The following OPRM1 variants were observed in gnomAD, a reference collection of about 807,000 sequenced individuals.
The protein encoded by OPRM1 is opioid receptor mu 1.
Under a neutral mutation model 31.8 loss-of-function variants are expected in OPRM1, and 27 were observed. The observed-to-expected ratio is 0.85, with a 90% confidence interval of 0.63 to 1.17. The LOEUF (loss-of-function observed/expected upper bound fraction) is 1.17. Among genes scored for constraint, OPRM1 ranks in the 50% most tolerant of loss-of-function variants. OPRM1 has a pLI of 0.00. For synonymous variants in OPRM1, 196 were observed against 189.9 expected (o/e 1.03, Z -0.26); for missense variants, 536 against 511.1 (o/e 1.05, Z -0.47).
chr6:154,084,078 C>G (rs1387734995), intron 1 of OPRM1, among the ~76,000 whole-genome samples: 1 of 152,104 alleles, frequency 6.6e-6, no homozygotes, highest in Admixed American at 6.5e-5. Context: ...GGCCTCTCCC[C>G]GTCTTCTCTT....
At chr6:154,034,720 A>G (rs1449374968), upstream of OPRM1, among the ~76,000 whole-genome samples, 1 of 152,184 alleles carries the variant, frequency 6.6e-6, no homozygotes, top group Non-Finnish European at 1.5e-5. Context: ...GAAACATCTG[A>G]CAACTGTTTA....
Position 154,039,524 on chromosome 6 carries a change from G to A in OPRM1, c.-21G>A, listed in dbSNP as rs200468548. 9 of 1,598,250 alleles carry A rather than the reference G, an allele frequency of 5.6e-6. No individual in the cohort carries two copies. The highest frequency in any genetic ancestry group is 3.3e-4 in the Middle Eastern group (2 of 6,070). ...GCTCCTGGCTACCTCGCACAGCGGT[G>A]CCCGCCCGGCCGTCAGTACCATGGA... On this transcript the variant is annotated 5_prime_UTR_variant, in exon 1 of 4. Transcript: ENST00000330432.
chr6:154,053,570 G>C (rs1338028273), intron 1 of OPRM1, among the ~76,000 whole-genome samples: 1 of 152,180 alleles, frequency 6.6e-6, no homozygotes, highest in Non-Finnish European at 1.5e-5. Context: ...GTAGGCCAAG[G>C]TATTCTAAGG....
chr6:154,246,750 C>T (rs149638978), exon 4 of OPRM1: 185 of 1,613,606 alleles, frequency 1.1e-4, no homozygotes, highest in Middle Eastern at 3.3e-4. Flanking sequence ...TCCGACTCAT[C>T]GTGAGAAAAC....
downstream of OPRM1, among the ~76,000 whole-genome samples, chr6:154,135,484 G>GATAGATAGAT (rs1554283099): frequency 2.3e-4 from 33 of 144,440 alleles, no homozygotes; most frequent in South Asian, 6.8e-4. Flanking sequence ...AAAATATATA[G>GATAGATAGAT]ATAGATATAG....
intron 3 of OPRM1, chr6:154,108,083 G>T (rs1215354639): frequency 7.8e-6 from 5 of 644,048 alleles, no homozygotes; most frequent in Non-Finnish European, 5.7e-6. Flanking sequence ...CAGGCTTCTG[G>T]GTTCCCTTTC....
At chr6:154,181,588 T>G (rs544591770) in intron 3 of OPRM1, among the ~76,000 whole-genome samples, 1 of 152,368 alleles carries the variant, frequency 6.6e-6, no homozygotes, top group East Asian at 1.9e-4. Flanking sequence ...GTCACTGAGA[T>G]AGCAGTTGAC....
downstream of OPRM1, among the ~76,000 whole-genome samples, chr6:154,134,792 T>C (rs1176820069): frequency 2.1e-5 from 3 of 146,124 alleles, no homozygotes; most frequent in Admixed American, 1.4e-4. Context: ...TTAACATGCA[T>C]TTTTTTTTTA....
chr6:154,036,399 G>T (rs1779299616), upstream of OPRM1, among the ~76,000 whole-genome samples: 1 of 151,946 alleles, frequency 6.6e-6, no homozygotes, highest in Non-Finnish European at 1.5e-5. Flanking sequence ...CTCACTGAAA[G>T]ATGATAAAGA....
chr6:154,207,983 T>C (rs1033410683), intron 3 of OPRM1, among the ~76,000 whole-genome samples: 1 of 152,190 alleles, frequency 6.6e-6, no homozygotes, highest in Non-Finnish European at 1.5e-5. Context: ...CCCGATGGAA[T>C]CGCTGCCATC....
In OPRM1 at chr6:154,140,621, C is replaced by T. The variant is rs1013656242; in HGVS notation, c.1164+49149C>T. Among the ~76,000 whole-genome samples the T allele has an allele frequency of 3.9e-5, 6 of 152,154 alleles. No homozygotes were observed. In the East Asian group the frequency reaches 5.8e-4, roughly 15 times the overall value. The stretch of plus-strand genomic sequence containing the variant: ...CTGGGATTACAGGTGTGAGCAGCCC[C>T]GCCTGGCCTTATTTTTGAGGCACTA... On this transcript the variant is annotated intron_variant, in intron 3 of 3. Transcript: ENST00000337049.
downstream of OPRM1, among the ~76,000 whole-genome samples, chr6:154,135,780 C>T (rs1342611922): frequency 6.6e-6 from 1 of 152,152 alleles, no homozygotes; most frequent in Non-Finnish European, 1.5e-5. Flanking sequence ...AGGCACCACT[C>T]GACATTTTCC....
intron 3 of OPRM1, among the ~76,000 whole-genome samples, chr6:154,172,942 C>T (rs758703912): frequency 6.6e-6 from 1 of 152,176 alleles, no homozygotes; most frequent in Non-Finnish European, 1.5e-5. Context: ...AGTGGGTGCC[C>T]CTCTGGGGCA....
chr6:154,012,705 A>G (rs550615071), intron 1 of OPRM1, among the ~76,000 whole-genome samples: 1 of 152,298 alleles, frequency 6.6e-6, no homozygotes, highest in Non-Finnish European at 1.5e-5. Flanking sequence ...GGGTGTCTCA[A>G]TCAGTTTGGG....
Position 154,130,170 on chromosome 6 carries a change from C to CTTT in OPRM1, c.*11465_*11467dup, listed in dbSNP as rs57493678. ...GATTTCATGGAAATGTTTAAATTTT[C>CTTT]TTTTTTTTTTTTTTTTTTGATGGAG... On this transcript the variant is annotated 3_prime_UTR_variant, in exon 4 of 4. Transcript: ENST00000330432. Among the ~76,000 whole-genome samples the CTTT allele has an allele frequency of 4.2e-5, 3 of 71,786 alleles. No individual in the cohort carries two copies. The highest frequency in any genetic ancestry group is 7.6e-4 in the South Asian group (1 of 1,310). 47.1% of individuals were successfully genotyped at this position (71,786 alleles called of 152,430 possible).
In OPRM1 at chr6:154,044,484, G is replaced by A. The variant is rs73572472; in HGVS notation, c.290+4650G>A. On this transcript the variant is annotated intron_variant, in intron 1 of 3. Transcript: ENST00000330432. ...CATAAAAGAAAACAAACAAACATTC[G>A]GGCCATTAACTCTTCTGAGTACTTT... Among the ~76,000 whole-genome samples the A allele has an allele frequency of 4.3e-3, 647 of 151,716 alleles. 11 individuals carry two copies. Among genetic ancestry groups the A allele is most frequent in the African/African-American group, 0.015 (627 of 41,392 alleles).
At chr6:154,180,881 G>A (rs1216572487) in intron 3 of OPRM1, among the ~76,000 whole-genome samples, 2 of 152,018 alleles carry the variant, frequency 1.3e-5, no homozygotes, top group African/African-American at 4.8e-5. Context: ...TGCAACACTT[G>A]GAAAAATTTA....
chr6:154,199,807 C>A, intron 3 of OPRM1: 2 of 1,614,150 alleles, frequency 1.2e-6, no homozygotes, highest in South Asian at 1.1e-5. Context: ...TTTCCAGGGC[C>A]TTGTGGATGC....
intron 3 of OPRM1, among the ~76,000 whole-genome samples, chr6:154,227,341 C>T (rs936496867): frequency 1.8e-4 from 28 of 152,132 alleles, no homozygotes; most frequent in African/African-American, 5.6e-4. Flanking sequence ...TACAATAAAT[C>T]GATCTCAAAT....
Sources: gnomAD v4.1 joint callset for allele counts (sites outside exome capture counted in the v4.1 genomes callset) on GRCh38, gnomAD v4.1.1 for gene constraint, MANE v1.5 for transcripts, NCBI Gene and HGNC (gene_info 2026-07-23, HGNC 2026-07-21) for gene names.